Variants in CSMD1 observed in about 807,000 individuals in gnomAD.
The protein encoded by CSMD1 is CUB and Sushi multiple domains 1.
In CSMD1, 213 loss-of-function variants were observed where a neutral mutation model predicts 417.5. The ratio of observed to expected loss-of-function variants is 0.51; its 90% CI spans 0.46 to 0.57. The LOEUF is 0.57. Among genes scored for constraint, CSMD1 ranks in the 20% least tolerant of loss-of-function variants. CSMD1 has a pLI of 0.00. For missense variants in CSMD1, 6,923 were observed against 4,529.7 expected, an observed-to-expected ratio of 1.53 and a Z score of -15.17; for synonymous variants, 2,862 against 1,736.8, an observed-to-expected ratio of 1.65 and a Z score of -16.11.
intron 3 of CSMD1, among the ~76,000 whole-genome samples, chr8:4,336,458 T>C (rs1382168353): frequency 6.6e-6 from 1 of 152,094 alleles, no homozygotes. Context: ...CTGTGCTATG[T>C]GTAGATGTTT....
At chr8:4,431,495 T>G (rs889649486) in intron 2 of CSMD1, among the ~76,000 whole-genome samples, 4 of 152,130 alleles carry the variant, frequency 2.6e-5, no homozygotes, top group East Asian at 1.9e-4. Flanking sequence ...AGAGACCAAG[T>G]AGAGACCAAT....
At chr8:4,984,071 G>C (rs1274727744) in intron 1 of CSMD1, among the ~76,000 whole-genome samples, 1 of 152,182 alleles carries the variant, frequency 6.6e-6, no homozygotes, top group Non-Finnish European at 1.5e-5. Flanking sequence ...GTACCCTACA[G>C]AGAAAAGCAT....
At chr8:4,195,181 G>C (rs566106208) in intron 3 of CSMD1, among the ~76,000 whole-genome samples, 2 of 152,150 alleles carry the variant, frequency 1.3e-5, no homozygotes, top group South Asian at 2.1e-4. Flanking sequence ...ACACTGACTT[G>C]TCAATGGAAA....
At chr8:4,385,158 C>T (rs1803363563) in intron 3 of CSMD1, among the ~76,000 whole-genome samples, 1 of 60,906 alleles carries the variant, frequency 1.6e-5, no homozygotes, top group Non-Finnish European at 3.3e-5. Context: ...AACTCCTGAC[C>T]TCAGGTGATC....
At chr8:3,333,609 C>G (rs1303530274) in intron 23 of CSMD1, among the ~76,000 whole-genome samples, 3 of 152,222 alleles carry the variant, frequency 2.0e-5, no homozygotes, top group Non-Finnish European at 4.4e-5. Context: ...TTGCCATAAT[C>G]TTAATCTTTA....
chr8:4,657,857 C>T (rs1804342831), intron 1 of CSMD1, among the ~76,000 whole-genome samples: 1 of 151,786 alleles, frequency 6.6e-6, no homozygotes, highest in Non-Finnish European at 1.5e-5. Flanking sequence ...AGGAGAATGG[C>T]ATCTGAACAA....
chr8:3,340,044 T>A (rs1186543231), intron 23 of CSMD1, among the ~76,000 whole-genome samples: 2 of 152,186 alleles, frequency 1.3e-5, no homozygotes, highest in Non-Finnish European at 2.9e-5. Context: ...ATACTCTGGT[T>A]TTTCTTCCCA....
At chr8:4,811,419 T>A (rs778670688) in intron 1 of CSMD1, among the ~76,000 whole-genome samples, 39 of 152,162 alleles carry the variant, frequency 2.6e-4, no homozygotes, top group Non-Finnish European at 2.2e-4. Flanking sequence ...TGTTGAATCA[T>A]ATAAAATTGT....
Position 3,362,719 on chromosome 8 carries a change from G to A in CSMD1, c.3116-3379C>T, listed in dbSNP as rs150752418. Among the ~76,000 whole-genome samples the A allele has an allele frequency of 2.5e-3, 382 of 152,234 alleles. 9 individuals carry two copies. Among genetic ancestry groups the A allele is most frequent in the Admixed American group, 0.023 (348 of 15,288 alleles). On this transcript the variant is annotated intron_variant, in intron 20 of 69. Transcript: ENST00000635120. Reference sequence around the variant, plus strand: ...TTCCCAAACCTGCTTTGCTTCCAGTGGTTTTCACGTAAAACAGAGCATCCT... The same window carrying A: ...TTCCCAAACCTGCTTTGCTTCCAGTAGTTTTCACGTAAAACAGAGCATCCT...
At chr8:3,785,615 T>C (rs1375209377) in intron 5 of CSMD1, among the ~76,000 whole-genome samples, 1 of 152,212 alleles carries the variant, frequency 6.6e-6, no homozygotes, top group East Asian at 1.9e-4. Context: ...TATAAGATGT[T>C]AGAAGCAAGT....
chr8:4,345,265 G>C (rs1376431814), intron 3 of CSMD1, among the ~76,000 whole-genome samples: 1 of 152,076 alleles, frequency 6.6e-6, no homozygotes, highest in Non-Finnish European at 1.5e-5. Flanking sequence ...AATTAGATAG[G>C]AACTTATGCT....
chr8:3,678,458 G>C (rs1039574095), intron 7 of CSMD1, among the ~76,000 whole-genome samples: 1 of 152,126 alleles, frequency 6.6e-6, no homozygotes, highest in Non-Finnish European at 1.5e-5. Context: ...TCAAATGAAT[G>C]AAATGAAGTA....
intron 3 of CSMD1, among the ~76,000 whole-genome samples, chr8:4,116,315 G>C (rs1270015159): frequency 2.0e-5 from 3 of 152,058 alleles, no homozygotes; most frequent in Non-Finnish European, 4.4e-5. Flanking sequence ...CTTTAGGACG[G>C]TGAAACCACT....
At chr8:3,834,264 G>A (rs867201971) in intron 5 of CSMD1, among the ~76,000 whole-genome samples, 1 of 151,942 alleles carries the variant, frequency 6.6e-6, no homozygotes, top group Non-Finnish European at 1.5e-5. Flanking sequence ...ATTCTCATCT[G>A]TATCTAGGGC....
intron 5 of CSMD1, among the ~76,000 whole-genome samples, chr8:3,983,165 C>G (rs1364636104): frequency 2.2e-5 from 3 of 137,846 alleles, no homozygotes; most frequent in Admixed American, 7.4e-5. Flanking sequence ...GACTCTCGCT[C>G]TGTCACCCAG....
chr8:4,095,728 C>T (rs938232057), intron 3 of CSMD1, among the ~76,000 whole-genome samples: 3 of 152,168 alleles, frequency 2.0e-5, no homozygotes, highest in South Asian at 2.1e-4. Context: ...TCAATTTGTT[C>T]AAGTCACGTA....
At chr8:2,967,964 G>GAAGT (rs1804118884) in intron 57 of CSMD1, among the ~76,000 whole-genome samples, 1 of 152,162 alleles carries the variant, frequency 6.6e-6, no homozygotes, top group Admixed American at 6.5e-5. Context: ...ATGGCAGACA[G>GAAGT]AAGTACTCAA....
chr8:3,001,481 G>T (rs1194140877), intron 52 of CSMD1, among the ~76,000 whole-genome samples: 2 of 152,222 alleles, frequency 1.3e-5, no homozygotes, highest in East Asian at 3.9e-4. Context: ...TGTTACACAT[G>T]GGTTTTGGAG....
At chr8:3,217,005 A>C (rs1356123137) in intron 29 of CSMD1, among the ~76,000 whole-genome samples, 1 of 152,174 alleles carries the variant, frequency 6.6e-6, no homozygotes, top group East Asian at 1.9e-4. Flanking sequence ...GCTGGATGCA[A>C]TGGCATCATT....
Sources: gnomAD v4.1 joint callset for allele counts (sites outside exome capture counted in the v4.1 genomes callset) on GRCh38, gnomAD v4.1.1 for gene constraint, MANE v1.5 for transcripts, NCBI Gene and HGNC (gene_info 2026-07-23, HGNC 2026-07-21) for gene names.